ZNF587B: variants seen among roughly 807,000 people sequenced by gnomAD.
ZNF587B encodes zinc finger protein 587B.
Under a neutral mutation model 7.2 loss-of-function variants are expected in ZNF587B, and 6 were observed. The observed-to-expected ratio is 0.83, with a 90% CI of 0.46 to 1.65. The LOEUF is 1.65. Ranked by LOEUF, ZNF587B falls within the 40% of genes most tolerant of loss-of-function variation. ZNF587B has a pLI of 0.01. For missense variants in ZNF587B, 749 were observed against 761.0 expected (o/e 0.98, Z 0.19); for synonymous variants, 274 against 254.3 (o/e 1.08, Z -0.74).
At position 57,843,446 on chromosome 19, in the gene ZNF587B, C is replaced by A. The variant is rs1016950116; in HGVS notation, c.*870C>A. 1 of 985,240 alleles carries A rather than the reference C, an allele frequency of 1.0e-6. No homozygotes were observed. The highest frequency in any genetic ancestry group is 1.2e-6 in the Non-Finnish European group (1 of 829,934). The allele number at this position is 985,240 out of a possible 1,614,324, so 61.0% of individuals were successfully genotyped here. On this transcript the variant is annotated 3_prime_UTR_variant, in exon 3 of 3. Transcript: ENST00000594901. ...GTGACTGCCACTTATCTGGCAAAAG[C>A]CATTACATCTCAGCTACTTGGTAGG...
In ZNF587B at chr19:57,839,121, G is replaced by A. The variant is rs779817392; in HGVS notation, c.135G>A (p.Leu45=). Residue 45 remains leucine (L), a synonymous_variant, in exon 2 of 3, where the codon CTG becomes CTA. Coordinates refer to ENST00000594901, the MANE Select transcript of ZNF587B (RefSeq NM_001376223.1). The stretch of plus-strand genomic sequence containing the variant: ...GATGCCTGTACCGTGATGTGACTCT[G>A]GAGAACCTGGCACTTATGTCCTCCC... ...AQRCLYRDVT[L]ENLALMSSLG... The A allele has an allele frequency of 1.2e-6, 2 of 1,614,160 alleles. No homozygotes were observed. The highest frequency in any genetic ancestry group is 3.3e-5 in the Admixed American group (2 of 60,020).
Position 57,830,546 on chromosome 19 carries a change from G to GC in ZNF587B, c.19dup (p.Leu7ProfsTer12), listed in dbSNP as rs1328301030. 11 of 1,549,652 alleles carry GC rather than the reference G, an allele frequency of 7.1e-6. No individual in the cohort carries two copies. The highest frequency in any genetic ancestry group is 9.6e-6 in the Non-Finnish European group (11 of 1,147,268). On this transcript the variant is annotated frameshift_variant, in exon 1 of 3. Coordinates refer to ENST00000594901, the MANE Select transcript of ZNF587B (RefSeq NM_001376223.1). LOFTEE classifies it high-confidence loss of function. ...GTGGTTCGATGGCGGTGGTGGCCAC[G>GC]CTGAGGCTCTCTGCTCAGGTAATTG...
At chr19:57,830,675 GTTT>G in intron 1 of ZNF587B, 111 bp downstream of exon 1, 2 of 1,260,934 alleles carry the variant, frequency 1.6e-6, no homozygotes, top group Admixed American at 2.1e-5. Context: ...CAGATGCTGA[GTTT>G]TTATTAGGAG....
rs554708138 is a variant in ZNF587B, at chr19:57,842,978, A to C, written c.*402A>C. 17 of 985,028 alleles carry C rather than the reference A, an allele frequency of 1.7e-5. No homozygotes were observed. In the South Asian group the frequency reaches 6.6e-4, roughly 38 times the overall value. The allele number at this position is 985,028 out of a possible 1,614,324, so 61.0% of individuals were successfully genotyped here. ...AAAACACTGTAGATGTATAGGTTAG[A>C]TATATAGGGAATGTTATTATTTTTT... is the stretch of plus-strand genomic sequence containing the variant. On this transcript the variant is annotated 3_prime_UTR_variant, in exon 3 of 3. Coordinates refer to ENST00000594901, the MANE Select transcript of ZNF587B (RefSeq NM_001376223.1).
In ZNF587B at chr19:57,843,962, T is replaced by G. The variant is rs1205850720; in HGVS notation, c.*1386T>G. On this transcript the variant is annotated 3_prime_UTR_variant, in exon 3 of 3. Transcript: ENST00000594901. Reference sequence around the variant, plus strand: ...CAGGGTCTTGCTGTGTTGCACAGTCTGGTCTCAAACTGCTGGTCTCGAGTG... The same window carrying G: ...CAGGGTCTTGCTGTGTTGCACAGTCGGGTCTCAAACTGCTGGTCTCGAGTG... 6.6e-6 allele frequency among the ~76,000 whole-genome samples: 1 copy of G among 152,190 alleles called. No individual in the cohort carries two copies. Among genetic ancestry groups the G allele is most frequent in the Non-Finnish European group, 1.5e-5 (1 of 68,026 alleles).
Position 57,843,655 on chromosome 19 carries a change from G to A in ZNF587B, c.*1079G>A, listed in dbSNP as rs931158619. 2 of 763,084 alleles carry A rather than the reference G, an allele frequency of 2.6e-6. No individual in the cohort carries two copies. The highest frequency in any genetic ancestry group is 3.1e-6 in the Non-Finnish European group (2 of 641,208). 47.3% of individuals were successfully genotyped at this position (763,084 alleles called of 1,614,324 possible). ...GTTTCACTGTCACCGATACTGGAGT[G>A]CAGTGGTGTGATCCTGGTTCATTGC... On this transcript the variant is annotated 3_prime_UTR_variant, in exon 3 of 3. Transcript: ENST00000594901.
rs1164044689 is a variant in ZNF587B, at chr19:57,845,011, C to G, written c.*2435C>G. ...TTTTTTTTTGAGACACAGTCTCACT[C>G]TGTCACCCAGGCTAGAGTGCTGTTG... On this transcript the variant is annotated 3_prime_UTR_variant, in exon 3 of 3. Coordinates refer to ENST00000594901, the MANE Select transcript of ZNF587B (RefSeq NM_001376223.1). The G allele has an allele frequency of 6.6e-6, 1 of 151,260 alleles. No homozygotes were observed. The highest frequency in any genetic ancestry group is 1.5e-5 in the Non-Finnish European group (1 of 67,934). 9.4% of individuals were successfully genotyped at this position (151,260 alleles called of 1,614,324 possible).
chr19:57,842,031 C>A lies in ZNF587B; in HGVS notation c.1357C>A (p.Leu453Ile), dbSNP rs993188797. The A allele has an allele frequency of 6.3e-7, 1 of 1,594,074 alleles. No individual in the cohort carries two copies. The highest frequency in any genetic ancestry group is 8.5e-7 in the Non-Finnish European group (1 of 1,170,130). Reference protein sequence around the residue: ...CGKCFSHKGNLILHQHGHTRK... With the variant: ...CGKCFSHKGNIILHQHGHTRK... ...GAAATGTTTTAGTCACAAGGGTAACCTCATTCTACACCAGCATGGCCATAC... is the reference window on the plus strand; with the variant it reads ...GAAATGTTTTAGTCACAAGGGTAACATCATTCTACACCAGCATGGCCATAC... Residue 453 changes from leucine (L) to isoleucine (I), a missense_variant, in exon 3 of 3, where the codon CTC (leucine) becomes ATC (isoleucine). Around this residue, in one of 3 missense-constraint regions of ZNF587B, gnomAD observed 656 missense variants for 596.5 expected, o/e 1.10. Coordinates refer to ENST00000594901, the MANE Select transcript of ZNF587B (RefSeq NM_001376223.1).
chr19:57,841,628 AG>A lies in ZNF587B; in HGVS notation c.955del (p.Val319PhefsTer21). 1 of 1,594,432 alleles carries A rather than the reference AG, an allele frequency of 6.3e-7. No homozygotes were observed. Among genetic ancestry groups the A allele is most frequent in the Non-Finnish European group, 8.5e-7 (1 of 1,170,196 alleles). ...AAGGATATCTTAGGCGCCATCAAAA[AG>A]TTCACGCTGGAAAAGGGCCTTATGA... is the stretch of plus-strand genomic sequence containing the variant. Reference protein sequence around the residue: ...LEGYLRRHQKVHAGKGPYECG... With the variant: ...LEGYLRRHQKXHAGKGPYECG... On this transcript the variant is annotated frameshift_variant, in exon 3 of 3. Coordinates refer to ENST00000594901, the MANE Select transcript of ZNF587B (RefSeq NM_001376223.1). LOFTEE classifies it low-confidence loss of function (END_TRUNC).
Position 57,839,016 on chromosome 19 carries a change from A to G in ZNF587B, c.37-7A>G, listed in dbSNP as rs770494402. On this transcript the variant is annotated splice_region_variant and splice_polypyrimidine_tract_variant and intron_variant, in intron 1 of 2. Coordinates refer to ENST00000594901, the MANE Select transcript of ZNF587B (RefSeq NM_001376223.1). Reference sequence around the variant, plus strand: ...GTTTGTGGTTTCATCTGTCAACATCATAACAGGGCACAGTGACTTTTGAAG... The same window carrying G: ...GTTTGTGGTTTCATCTGTCAACATCGTAACAGGGCACAGTGACTTTTGAAG... The G allele has an allele frequency of 5.0e-6, 8 of 1,613,542 alleles. No individual in the cohort carries two copies. Among genetic ancestry groups the G allele is most frequent in the Non-Finnish European group, 5.9e-6 (7 of 1,179,646 alleles).
At chr19:57,830,774 CTT>C (rs1988350732) in intron 1 of ZNF587B, among the ~76,000 whole-genome samples, 1 of 150,938 alleles carries the variant, frequency 6.6e-6, no homozygotes, top group African/African-American at 2.4e-5. Context: ...AAACGCCACA[CTT>C]TGAGACGAAT....
Position 57,842,594 on chromosome 19 carries a change from A to C in ZNF587B, c.*18A>C. Reference sequence around the variant, plus strand: ...CCTTATGAGTGCAGAGAATGAGTCCAGTCTCATTAAATACAGGAGAGCACA... The same window carrying C: ...CCTTATGAGTGCAGAGAATGAGTCCCGTCTCATTAAATACAGGAGAGCACA... On this transcript the variant is annotated 3_prime_UTR_variant, in exon 3 of 3. Transcript: ENST00000594901. The C allele has an allele frequency of 6.8e-7, 1 of 1,473,594 alleles. No individual in the cohort carries two copies. The highest frequency in any genetic ancestry group is 9.0e-7 in the Non-Finnish European group (1 of 1,116,778). 91.3% of individuals were successfully genotyped at this position (1,473,594 alleles called of 1,614,324 possible).
chr19:57,842,808 AG>A lies in ZNF587B; in HGVS notation c.*233del, dbSNP rs1336747441. 3.0e-6 allele frequency: 3 copies of A among 985,274 alleles called. No individual in the cohort carries two copies. The allele number at this position is 985,274 out of a possible 1,614,324, so 61.0% of individuals were successfully genotyped here. ...TTTAACACTGAATGAAGGCCTTACT[AG>A]TGTGGCAAATATAGGCTATTTATCC... On this transcript the variant is annotated 3_prime_UTR_variant, in exon 3 of 3. Coordinates refer to ENST00000594901, the MANE Select transcript of ZNF587B (RefSeq NM_001376223.1).
At position 57,841,076 on chromosome 19, in the gene ZNF587B, C is replaced by T. The variant is rs1158950979; in HGVS notation, c.402C>T (p.Asn134=). The change falls in exon 3 of 3, where the codon AAC becomes AAT. Residue 134 remains asparagine, a synonymous_variant. Coordinates refer to ENST00000594901, the MANE Select transcript of ZNF587B (RefSeq NM_001376223.1). The part of the protein sequence containing the change: ...AWGNKLYDSG[N]FHQHQNEHIG... ...GGAATAAATTGTATGACAGTGGAAA[C>T]TTTCATCAGCACCAGAATGAGCACA... 7 of 1,613,714 alleles carry T rather than the reference C, an allele frequency of 4.3e-6. No individual in the cohort carries two copies. Among genetic ancestry groups the T allele is most frequent in the African/African-American group, 2.7e-5 (2 of 74,754 alleles).
rs1356606909 is a variant in ZNF587B, at chr19:57,838,985, G to C, written c.37-38G>C. 1.9e-6 allele frequency: 3 copies of C among 1,605,168 alleles called. No individual in the cohort carries two copies. The Admixed American group carries it at 5.0e-5, about 27-fold the overall frequency. On this transcript the variant is annotated intron_variant, in intron 1 of 2. Transcript: ENST00000594901. ...AGATGGATTGTGATACCTCAGCATA[G>C]GGGTGGTTTGTGGTTTCATCTGTCA...
chr19:57,832,231 CAT>C (rs1343265417), intron 1 of ZNF587B, among the ~76,000 whole-genome samples: 1 of 152,024 alleles, frequency 6.6e-6, no homozygotes, highest in East Asian at 1.9e-4. Flanking sequence ...GGACTACAGG[CAT>C]GCACTACTAT....
At chr19:57,837,054 G>A (rs1988642349) in intron 1 of ZNF587B, among the ~76,000 whole-genome samples, 1 of 151,460 alleles carries the variant, frequency 6.6e-6, no homozygotes, top group Non-Finnish European at 1.5e-5. Context: ...ATAGTTTGTA[G>A]TGAGTTTCAA....
rs772139778 is a variant in ZNF587B, at chr19:57,844,259, G to A, written c.*1683G>A. 10 of 426,816 alleles carry A rather than the reference G, an allele frequency of 2.3e-5. No homozygotes were observed. Among genetic ancestry groups the A allele is most frequent in the South Asian group, 1.6e-4 (10 of 61,728 alleles). 26.4% of individuals were successfully genotyped at this position (426,816 alleles called of 1,614,324 possible). A position where few individuals can be genotyped will look rare whatever the true frequency, so the allele number is the denominator to read the frequency against. Reference sequence around the variant, plus strand: ...CTCATGCCTGTAATCCCAACACTTTGGGAGGCCGAGGTGGGTGGATCACAA... The same window carrying A: ...CTCATGCCTGTAATCCCAACACTTTAGGAGGCCGAGGTGGGTGGATCACAA... On this transcript the variant is annotated 3_prime_UTR_variant, in exon 3 of 3. Transcript: ENST00000594901.
rs1330330000 is a variant in ZNF587B, at chr19:57,843,602, T to G, written c.*1026T>G. 4.6e-5 allele frequency: 29 copies of G among 637,310 alleles called. No individual in the cohort carries two copies. Among genetic ancestry groups the G allele is most frequent in the Middle Eastern group, 8.2e-4 (1 of 1,226 alleles). 39.5% of individuals were successfully genotyped at this position (637,310 alleles called of 1,614,324 possible). ...TGGTTGGTTGGTTGTTTTTTTTTGTTTTTTTTTTTTTTTTTTTTGGAGACA... is the reference window on the plus strand; with the variant it reads ...TGGTTGGTTGGTTGTTTTTTTTTGTGTTTTTTTTTTTTTTTTTTGGAGACA... On this transcript the variant is annotated 3_prime_UTR_variant, in exon 3 of 3. Coordinates refer to ENST00000594901, the MANE Select transcript of ZNF587B (RefSeq NM_001376223.1).
Sources: allele counts gnomAD v4.1 joint callset (sites outside exome capture counted in the v4.1 genomes callset), GRCh38; gene constraint gnomAD v4.1.1; regional missense constraint gnomAD v4.1.1; transcripts MANE v1.5; gene names NCBI Gene and HGNC (gene_info 2026-07-23, HGNC 2026-07-21).